DPP10: variants seen among roughly 807,000 people sequenced by gnomAD.
DPP10 encodes the protein dipeptidyl peptidase like 10.
A neutral mutation model predicts 120.9 loss-of-function variants in DPP10; 33 were observed. That is an observed-to-expected ratio of 0.27 (90% CI 0.21 to 0.37). The LOEUF (loss-of-function observed/expected upper bound fraction) is 0.37, where lower values mean the gene tolerates loss of function less well. DPP10 is among the 10% of genes least tolerant of loss of function. DPP10 has a pLI of 1.00. For synonymous variants in DPP10, 337 were observed against 326.1 expected (o/e 1.03, Z -0.36); for missense variants, 816 against 942.8 (o/e 0.87, Z 1.76).
intron 1 of DPP10, among the ~76,000 whole-genome samples, chr2:115,262,404 ATACT>A (rs1401608853): frequency 1.3e-5 from 2 of 151,942 alleles, no homozygotes; most frequent in African/African-American, 4.8e-5. Flanking sequence ...TCATTTTCAT[ATACT>A]TACTATTTTA....
intron 1 of DPP10, among the ~76,000 whole-genome samples, chr2:114,497,425 A>ATGTATATGCATATATATAGATGCATC (rs1682768184): frequency 1.5e-5 from 1 of 66,350 alleles, no homozygotes; most frequent in African/African-American, 5.4e-5. Context: ...ATATGCATCT[A>ATGTATATGCATATATATAGATGCATC]TATATATATG....
intron 5 of DPP10, among the ~76,000 whole-genome samples, chr2:115,638,349 A>G (rs921310721): frequency 6.6e-6 from 1 of 152,192 alleles, no homozygotes; most frequent in African/African-American, 2.4e-5. Context: ...GTGATGGCCA[A>G]CCATGCAGTA....
At chr2:114,692,248 CT>C (rs1699803836) in intron 1 of DPP10, among the ~76,000 whole-genome samples, 1 of 152,034 alleles carries the variant, frequency 6.6e-6, no homozygotes, top group Non-Finnish European at 1.5e-5. Flanking sequence ...CTTAACACTG[CT>C]TTAGCTGCAT....
chr2:115,338,302 T>G (rs140247537), intron 2 of DPP10, among the ~76,000 whole-genome samples: 1 of 152,230 alleles, frequency 6.6e-6, no homozygotes, highest in African/African-American at 2.4e-5. Flanking sequence ...AACAGGAGAT[T>G]GTATTTATGT....
intron 1 of DPP10, among the ~76,000 whole-genome samples, chr2:114,850,682 C>T (rs931492072): frequency 2.6e-5 from 4 of 152,086 alleles, no homozygotes; most frequent in Non-Finnish European, 5.9e-5. Context: ...TGCTTCCAGA[C>T]TTGAGAATGG....
At chr2:115,496,278 T>A (rs575813190) in intron 3 of DPP10, among the ~76,000 whole-genome samples, 1 of 152,266 alleles carries the variant, frequency 6.6e-6, no homozygotes, top group South Asian at 2.1e-4. Context: ...AGCTAGAGAA[T>A]TACATGTGAA....
intron 1 of DPP10, among the ~76,000 whole-genome samples, chr2:114,592,432 T>C (rs866118398): frequency 2.0e-5 from 3 of 152,126 alleles, no homozygotes. Context: ...ATTTAGGTGA[T>C]GGAATGAAAG....
intron 1 of DPP10, among the ~76,000 whole-genome samples, chr2:115,267,656 T>G (rs962200240): frequency 2.6e-5 from 4 of 152,130 alleles, no homozygotes; most frequent in African/African-American, 9.7e-5. Context: ...TCCTGCACTT[T>G]CCTTCCTCGA....
chr2:115,124,730 A>C (rs1441026115), intron 1 of DPP10, among the ~76,000 whole-genome samples: 3 of 152,250 alleles, frequency 2.0e-5, no homozygotes, highest in Non-Finnish European at 4.4e-5. Flanking sequence ...TTAAGTTTGT[A>C]ATGAAATGGG....
chr2:115,183,017 A>T lies in DPP10; in HGVS notation c.61-126222A>T, dbSNP rs560003393. The stretch of plus-strand genomic sequence containing the variant: ...AAACATGAAATATTTACACGCACAC[A>T]CACACACACACACGTACGTGCATGC... On this transcript the variant is annotated intron_variant, in intron 1 of 25. Transcript: ENST00000410059. 1.6e-3 allele frequency among the ~76,000 whole-genome samples: 244 copies of T among 152,180 alleles called. 3 individuals are homozygous for T. The highest frequency in any genetic ancestry group is 5.0e-3 in the African/African-American group (207 of 41,524).
chr2:115,777,395 C>A, intron 14 of DPP10, 96 bp downstream of exon 14: 1 of 1,045,298 alleles, frequency 9.6e-7, no homozygotes, highest in Non-Finnish European at 1.4e-6. Context: ...TAGTCCTAGT[C>A]AAAACAAGCC....
chr2:114,669,250 A>T (rs1348692276), intron 1 of DPP10, among the ~76,000 whole-genome samples: 2 of 152,210 alleles, frequency 1.3e-5, no homozygotes, highest in Non-Finnish European at 2.9e-5. Context: ...TAACAACAGT[A>T]TCAAAGGCTA....
intron 1 of DPP10, among the ~76,000 whole-genome samples, chr2:115,177,589 G>A (rs1214498994): frequency 6.6e-6 from 1 of 152,040 alleles, no homozygotes; most frequent in Non-Finnish European, 1.5e-5. Flanking sequence ...TCCTCATTCT[G>A]TCATTCTTTT....
In DPP10 at chr2:114,874,732, C is replaced by T. The variant is rs113537133; in HGVS notation, c.60+431894C>T. Among the ~76,000 whole-genome samples, 309 of 152,200 alleles carry T rather than the reference C, an allele frequency of 2.0e-3. 2 individuals are homozygous for T. Among genetic ancestry groups the T allele is most frequent in the Non-Finnish European group, 3.7e-3 (251 of 68,016 alleles). ...TGGAAAAAGTTGTCTTCCATGAAAC[C>T]AGTCCCTGGTGCCAAAAAGGTTGGG... On this transcript the variant is annotated intron_variant, in intron 1 of 25. Coordinates refer to ENST00000410059, the MANE Select transcript of DPP10 (RefSeq NM_020868.6).
chr2:114,831,627 T>C (rs928103251), intron 1 of DPP10, among the ~76,000 whole-genome samples: 1 of 152,122 alleles, frequency 6.6e-6, no homozygotes, highest in African/African-American at 2.4e-5. Flanking sequence ...AATAAAGACA[T>C]AACATATAAA....
chr2:114,675,285 A>C (rs992713273), intron 1 of DPP10, among the ~76,000 whole-genome samples: 48 of 152,100 alleles, frequency 3.2e-4, no homozygotes, highest in African/African-American at 1.1e-3. Flanking sequence ...ACCCACTTGC[A>C]CTTGTGTCTT....
At chr2:115,047,713 A>G (rs1487445084) in intron 1 of DPP10, among the ~76,000 whole-genome samples, 5 of 152,124 alleles carry the variant, frequency 3.3e-5, no homozygotes, top group African/African-American at 1.2e-4. Context: ...TACTATGCTT[A>G]ATGAAGACAG....
chr2:114,645,191 T>C (rs1047664773), intron 1 of DPP10, among the ~76,000 whole-genome samples: 1 of 152,176 alleles, frequency 6.6e-6, no homozygotes, highest in Non-Finnish European at 1.5e-5. Context: ...TCCAGGTGCA[T>C]TATTCCAAAG....
chr2:114,916,471 A>G (rs573229012), intron 1 of DPP10, among the ~76,000 whole-genome samples: 67 of 152,332 alleles, frequency 4.4e-4, no homozygotes, highest in Middle Eastern at 3.4e-3. Flanking sequence ...AACTCATTCT[A>G]TGAGGCCAGC....
Sources: gnomAD v4.1 joint callset for allele counts (sites outside exome capture counted in the v4.1 genomes callset) on GRCh38, gnomAD v4.1.1 for gene constraint, MANE v1.5 for transcripts, NCBI Gene and HGNC (gene_info 2026-07-23, HGNC 2026-07-21) for gene names.